BRWD1: variants seen among roughly 807,000 people sequenced by gnomAD.
BRWD1 encodes the protein bromodomain and WD repeat domain containing 1.
A neutral mutation model predicts 251.2 loss-of-function variants in BRWD1; 82 were observed. The ratio of observed to expected loss-of-function variants is 0.33; its 90% confidence interval spans 0.27 to 0.39. The LOEUF (loss-of-function observed/expected upper bound fraction) is 0.39. Among genes scored for constraint, BRWD1 ranks in the 10% least tolerant of loss-of-function variants. The pLI is 1.00. For synonymous variants in BRWD1, 918 were observed against 902.8 expected (o/e 1.02, Z -0.30); for missense variants, 2,233 against 2,711.6 (o/e 0.82, Z 3.92).
chr21:39,289,969 G>C (rs1351826571), intron 8 of BRWD1, among the ~76,000 whole-genome samples: 1 of 149,042 alleles, frequency 6.7e-6, no homozygotes, highest in Non-Finnish European at 1.5e-5. Flanking sequence ...AGCTTGCAGT[G>C]AGCCGAGATC....
chr21:39,241,451 G>A (rs1350885544), intron 21 of BRWD1, among the ~76,000 whole-genome samples: 3 of 97,260 alleles, frequency 3.1e-5, no homozygotes, highest in African/African-American at 1.2e-4. Context: ...CTGGGCAACA[G>A]AGCAAGATTC....
Position 39,191,253 on chromosome 21 carries a change from A to AT in BRWD1, c.*5005dup. On this transcript the variant is annotated 3_prime_UTR_variant, in exon 41 of 41. Transcript: ENST00000342449. ...GCTCCTGACTCGCTTCAGTTCCCCTATCCAAGCTCATATGTAAAACTCACA... is the reference window on the plus strand; with the variant it reads ...GCTCCTGACTCGCTTCAGTTCCCCTATTCCAAGCTCATATGTAAAACTCACA... 2.0e-6 allele frequency: 2 copies of AT among 985,312 alleles called. No individual in the cohort carries two copies. The highest frequency in any genetic ancestry group is 2.4e-6 in the Non-Finnish European group (2 of 829,914). The allele number at this position is 985,312 out of a possible 1,614,324, so 61.0% of individuals were successfully genotyped here.
At chr21:39,240,053 T>TA (rs762145912) in intron 21 of BRWD1, among the ~76,000 whole-genome samples, 17 of 151,616 alleles carry the variant, frequency 1.1e-4, no homozygotes, top group African/African-American at 1.9e-4. Context: ...TATTCTGTGC[T>TA]AAAAAAAACA....
chr21:39,284,823 G>C (rs1248818950), intron 8 of BRWD1, among the ~76,000 whole-genome samples: 1 of 152,010 alleles, frequency 6.6e-6, no homozygotes, highest in Non-Finnish European at 1.5e-5. Context: ...TTAACTCTTT[G>C]TCAGATGCAT....
In BRWD1 at chr21:39,196,437, G is replaced by C. The variant is rs2031817628; in HGVS notation, c.6632C>G (p.Pro2211Arg). ...GTCATTATCATCCACACTTAACCTA[G>C]GGCGTTTGCTTTGTCTTTGACGTCT... ...TVRRQRQSKR[P>R]RLSVDDNDWE... The change falls in exon 41 of 41, where the codon CCT becomes CGT. Residue 2211 changes from proline to arginine, a missense_variant. Around this residue, in one of 12 missense-constraint regions of BRWD1, gnomAD observed 928 missense variants for 970.0 expected, o/e 0.96. Transcript: ENST00000342449. 1 of 1,613,574 alleles carries C rather than the reference G, an allele frequency of 6.2e-7. No individual in the cohort carries two copies. Among genetic ancestry groups the C allele is most frequent in the Non-Finnish European group, 8.5e-7 (1 of 1,179,714 alleles).
intron 4 of BRWD1, among the ~76,000 whole-genome samples, chr21:39,300,340 G>T (rs150280966): frequency 4.6e-5 from 7 of 152,296 alleles, no homozygotes; most frequent in African/African-American, 1.4e-4. Context: ...GGACGGCAAG[G>T]CAGAGCGAAC....
upstream of BRWD1, among the ~76,000 whole-genome samples, chr21:39,317,531 C>T (rs1472243264): frequency 1.3e-5 from 2 of 152,182 alleles, no homozygotes; most frequent in Non-Finnish European, 2.9e-5. Context: ...GACTGCAATC[C>T]CAAGTAGACA....
intron 31 of BRWD1, chr21:39,217,068 TATATATATATA>T (rs2032964827): frequency 3.5e-4 from 4 of 11,296 alleles, no homozygotes; most frequent in African/African-American, 7.1e-4. Flanking sequence ...TATATATATA[TATATATATATA>T]TATATTTTTT....
At position 39,236,763 on chromosome 21, in the gene BRWD1, G is replaced by A. The variant is rs368040984; in HGVS notation, c.2598C>T (p.Ser866=). 7 of 1,613,470 alleles carry A rather than the reference G, an allele frequency of 4.3e-6. No individual in the cohort carries two copies. Among genetic ancestry groups the A allele is most frequent in the African/African-American group, 2.7e-5 (2 of 74,860 alleles). ...TGATGCCCGCATCAGCTGTCCAATCGGAATATCTAGATGAAGAGTCACTAG... is the reference window on the plus strand; with the variant it reads ...TGATGCCCGCATCAGCTGTCCAATCAGAATATCTAGATGAAGAGTCACTAG... ...ESSSDSSSRY[S]DWTADAGINL... Residue 866 remains serine, a synonymous_variant, in exon 23 of 41, where the codon TCC becomes TCT. Coordinates refer to ENST00000342449, the MANE Select transcript of BRWD1 (RefSeq NM_033656.4).
intron 8 of BRWD1, among the ~76,000 whole-genome samples, chr21:39,291,496 T>C (rs757341748): frequency 3.3e-5 from 5 of 152,166 alleles, no homozygotes; most frequent in Non-Finnish European, 5.9e-5. Context: ...CCAACATGTT[T>C]TTCCATATGT....
In BRWD1 at chr21:39,293,783, G is replaced by C. The variant is rs756723074; in HGVS notation, c.831+28C>G. 5 of 1,556,826 alleles carry C rather than the reference G, an allele frequency of 3.2e-6. No homozygotes were observed. In the Admixed American group the frequency reaches 5.0e-5, roughly 16 times the overall value. ...AAGAAAAAGGTGAAAATACATATAG[G>C]AATGTGCCCACTAAGCTACAAGTTT... On this transcript the variant is annotated intron_variant, in intron 8 of 40. Transcript: ENST00000342449.
At chr21:39,291,938 A>C (rs1444203102) in intron 8 of BRWD1, among the ~76,000 whole-genome samples, 2 of 152,086 alleles carry the variant, frequency 1.3e-5, no homozygotes, top group Non-Finnish European at 2.9e-5. Context: ...TGTTTCAGGC[A>C]TAAGTCTCTT....
chr21:39,253,018 G>A (rs181739042), intron 19 of BRWD1, among the ~76,000 whole-genome samples: 15 of 152,276 alleles, frequency 9.9e-5, no homozygotes, highest in South Asian at 2.1e-4. Flanking sequence ...GGCTGGATGC[G>A]GTGGCTCACG....
chr21:39,203,434 G>GTTTTTTTTTTTTTTT (rs2032210759), intron 37 of BRWD1, among the ~76,000 whole-genome samples: 1 of 64,296 alleles, frequency 1.6e-5, no homozygotes, highest in African/African-American at 4.8e-5. Context: ...GCAAGACCCT[G>GTTTTTTTTTTTTTTT]GTTCTTTTTT....
intron 19 of BRWD1, among the ~76,000 whole-genome samples, chr21:39,254,486 A>T (rs1601394195): frequency 6.6e-6 from 1 of 152,232 alleles, no homozygotes; most frequent in Admixed American, 6.5e-5. Flanking sequence ...AATATCAGAA[A>T]TAAGTTAAAC....
chr21:39,186,169 CATTTT>C lies in BRWD1; in HGVS notation c.*10085_*10089del, dbSNP rs2031220056. On this transcript the variant is annotated 3_prime_UTR_variant, in exon 41 of 41. Coordinates refer to ENST00000342449, the MANE Select transcript of BRWD1 (RefSeq NM_033656.4). Reference sequence around the variant, plus strand: ...ATGACTGTTTTGATCTTAAGCTATACATTTTATTTTTATCTAACTGATTAAGACCT... The same window carrying C: ...ATGACTGTTTTGATCTTAAGCTATACATTTTTATCTAACTGATTAAGACCT... 1 of 152,128 alleles carries C rather than the reference CATTTT, an allele frequency of 6.6e-6. No homozygotes were observed. The highest frequency in any genetic ancestry group is 2.1e-4 in the South Asian group (1 of 4,828). The allele number at this position is 152,128 out of a possible 1,614,324, so 9.4% of individuals were successfully genotyped here.
At chr21:39,254,932 G>T (rs1568920270) in intron 19 of BRWD1, among the ~76,000 whole-genome samples, 1 of 152,058 alleles carries the variant, frequency 6.6e-6, no homozygotes, top group Non-Finnish European at 1.5e-5. Context: ...CTGGATATTT[G>T]GTTATACTGA....
chr21:39,266,040 T>G (rs561233193), intron 15 of BRWD1, among the ~76,000 whole-genome samples: 25 of 151,910 alleles, frequency 1.6e-4, no homozygotes, highest in African/African-American at 5.8e-4. Flanking sequence ...TGTCTGCACC[T>G]TTAACTTTCC....
At position 39,236,716 on chromosome 21, in the gene BRWD1, G is replaced by C. The variant is rs757354367; in HGVS notation, c.2645C>G (p.Thr882Arg). 1.9e-6 allele frequency: 3 copies of C among 1,614,106 alleles called. No homozygotes were observed. The highest frequency in any genetic ancestry group is 2.5e-6 in the Non-Finnish European group (3 of 1,180,006). Residue 882 changes from threonine (T) to arginine (R), a missense_variant, in exon 23 of 41, where the codon ACA becomes AGA. Physicochemically the swap from Thr to Arg is moderately conservative, Grantham distance 71 (BLOSUM62 -1). Transcript: ENST00000342449. ...TCGAGTAATTCGTCGACGACATGATGTTCTTAAAGGAGGCTGCAAATTGAT... is the reference window on the plus strand; with the variant it reads ...TCGAGTAATTCGTCGACGACATGATCTTCTTAAAGGAGGCTGCAAATTGAT... ...AGINLQPPLR[T>R]SCRRRITRFC... is the part of the protein sequence containing the mutation.
Sources: allele counts gnomAD v4.1 joint callset (sites outside exome capture counted in the v4.1 genomes callset), GRCh38; gene constraint gnomAD v4.1.1; regional missense constraint gnomAD v4.1.1; transcripts MANE v1.5; gene names NCBI Gene and HGNC (gene_info 2026-07-23, HGNC 2026-07-21).